COL4A6: variants seen among roughly 807,000 people sequenced by gnomAD.
COL4A6 encodes collagen alpha-6(IV) chain.
A neutral mutation model predicts 126.7 loss-of-function variants in COL4A6; 59 were observed. The observed-to-expected ratio is 0.47, with a 90% CI of 0.38 to 0.58. The LOEUF is 0.58. Among genes scored for constraint, COL4A6 ranks in the 20% least tolerant of loss-of-function variants. The probability of loss-of-function intolerance (pLI) is 0.00; values close to 1 mark genes in which losing one functional copy is unlikely to be tolerated. For synonymous variants in COL4A6, 547 were observed against 496.6 expected (o/e 1.10, Z -1.35); for missense variants, 1,285 against 1,337.3 (o/e 0.96, Z 0.61).
intron 2 of COL4A6, among the ~76,000 whole-genome samples, chrX:108,389,740 T>G (rs1159815152): frequency 2.7e-5 from 3 of 111,661 alleles, no homozygotes; most frequent in African/African-American, 9.8e-5. Flanking sequence ...TTAAGGTTAA[T>G]ATCATTATAC....
At position 108,214,111 on chromosome X, in the gene COL4A6, C is replaced by CG; in HGVS notation, c.441dup (p.Gly148ArgfsTer11). The CG allele has an allele frequency of 1.7e-6, 2 of 1,192,278 alleles. No individual in the cohort carries two copies. The highest frequency in any genetic ancestry group is 2.3e-6 in the Non-Finnish European group (2 of 879,134). ...TAAAATGCAAATATCTGGCAGCATACGGGTGGTCCGAGAAGCCCAGGATAG... is the reference window on the plus strand; with the variant it reads ...TAAAATGCAAATATCTGGCAGCATACGGGGTGGTCCGAGAAGCCCAGGATAG... On this transcript the variant is annotated frameshift_variant and splice_region_variant. Transcript: ENST00000334504. LOFTEE classifies it high-confidence loss of function.
chrX:108,320,275 TTGG>T (rs2038994251), intron 2 of COL4A6, among the ~76,000 whole-genome samples: 1 of 111,539 alleles, frequency 9.0e-6, no homozygotes, highest in Non-Finnish European at 1.9e-5. Context: ...CCACTTGAAT[TTGG>T]TGGTCATGGA....
At chrX:108,191,074 G>C (rs775645361) in intron 19 of COL4A6, among the ~76,000 whole-genome samples, 1 of 111,759 alleles carries the variant, frequency 8.9e-6, no homozygotes, top group South Asian at 3.8e-4. Flanking sequence ...AACCAATCCT[G>C]CTTCTTTAGG....
intron 2 of COL4A6, chrX:108,383,557 T>C: frequency 2.2e-6 from 1 of 463,662 alleles, no homozygotes; most frequent in Non-Finnish European, 3.9e-6. Context: ...CAAAGAGATG[T>C]AACTCTGCAA....
chrX:108,193,139 A>C (rs1383269088), intron 17 of COL4A6, among the ~76,000 whole-genome samples: 1 of 111,928 alleles, frequency 8.9e-6, no homozygotes, highest in African/African-American at 3.3e-5. Flanking sequence ...CAAAATAACT[A>C]GGACAAGGAG....
intron 3 of COL4A6, among the ~76,000 whole-genome samples, chrX:108,252,546 A>G (rs1014476454): frequency 9.0e-6 from 1 of 111,665 alleles, no homozygotes; most frequent in Non-Finnish European, 1.9e-5. Context: ...AGAAAAGCTC[A>G]GGACCTGATA....
intron 13 of COL4A6, among the ~76,000 whole-genome samples, chrX:108,197,050 TA>T (rs1193613438): frequency 1.8e-5 from 2 of 112,135 alleles, no homozygotes; most frequent in Non-Finnish European, 3.8e-5. Flanking sequence ...GGGTTGATAC[TA>T]GGGGGAAGAG....
intron 22 of COL4A6, among the ~76,000 whole-genome samples, 194 bp downstream of exon 22, chrX:108,187,654 T>C (rs2034909666): frequency 8.9e-6 from 1 of 112,013 alleles, no homozygotes; most frequent in African/African-American, 3.3e-5. Context: ...AATGAGACAA[T>C]GATCCATTCT....
intron 3 of COL4A6, among the ~76,000 whole-genome samples, chrX:108,237,880 A>G (rs747802512): frequency 0.013 from 1,370 of 105,115 alleles, 24 homozygotes; most frequent in African/African-American, 0.046. Context: ...CTATCTATCT[A>G]TCTATCTATC....
intron 13 of COL4A6, among the ~76,000 whole-genome samples, chrX:108,197,263 G>A (rs1182263092): frequency 1.8e-5 from 2 of 111,764 alleles, no homozygotes; most frequent in African/African-American, 6.5e-5. Context: ...GTGAGGGTTT[G>A]TAGCCATGAA....
intron 27 of COL4A6, among the ~76,000 whole-genome samples, chrX:108,178,220 T>A (rs974966252): frequency 4.5e-5 from 5 of 112,331 alleles, no homozygotes; most frequent in African/African-American, 1.6e-4. Context: ...CAGGCCCCAC[T>A]GCTGAGTAAA....
At chrX:108,426,061 T>C (rs767385929) in intron 2 of COL4A6, among the ~76,000 whole-genome samples, 1 of 111,606 alleles carries the variant, frequency 9.0e-6, no homozygotes, top group South Asian at 3.8e-4. Flanking sequence ...TGCAACTTAA[T>C]CATATCTAAA....
chrX:108,414,638 A>T (rs1036778516), intron 2 of COL4A6, among the ~76,000 whole-genome samples: 1 of 76,072 alleles, frequency 1.3e-5, no homozygotes, highest in Non-Finnish European at 2.8e-5. Flanking sequence ...AAAAAAAAAG[A>T]AGAAGAAGCT....
At chrX:108,161,548 C>T (rs2033935398) in intron 42 of COL4A6, 71 bp downstream of exon 42, 5 of 641,393 alleles carry the variant, frequency 7.8e-6, no homozygotes, top group East Asian at 3.4e-5. Flanking sequence ...AAGTTTTACT[C>T]ACCCCCAGCC....
chrX:108,253,118 C>A (rs1392810429), intron 3 of COL4A6, among the ~76,000 whole-genome samples: 1 of 111,522 alleles, frequency 9.0e-6, no homozygotes, highest in Non-Finnish European at 1.9e-5. Context: ...ATTAGCACTT[C>A]TTTTCAACAT....
intron 3 of COL4A6, among the ~76,000 whole-genome samples, chrX:108,262,393 C>T (rs920202820): frequency 1.8e-5 from 2 of 111,433 alleles, no homozygotes; most frequent in Non-Finnish European, 3.8e-5. Context: ...AGTCATGGCT[C>T]TTCCTTCCTG....
intron 2 of COL4A6, among the ~76,000 whole-genome samples, chrX:108,352,852 G>A (rs2039875695): frequency 1.8e-5 from 2 of 112,056 alleles, no homozygotes; most frequent in Non-Finnish European, 3.8e-5. Context: ...GCTGCTTCTG[G>A]ACAAGGTAGC....
At chrX:108,257,377 C>T (rs902789793) in intron 3 of COL4A6, among the ~76,000 whole-genome samples, 5 of 111,798 alleles carry the variant, frequency 4.5e-5, no homozygotes, top group African/African-American at 1.3e-4. Flanking sequence ...CATATTTGAT[C>T]CATGCACTTA....
chrX:108,253,037 T>C (rs2036893697), intron 3 of COL4A6, among the ~76,000 whole-genome samples: 1 of 111,515 alleles, frequency 9.0e-6, no homozygotes, highest in African/African-American at 3.3e-5. Flanking sequence ...ACAGCTAGCA[T>C]AATGCTGAAT....
Sources: gnomAD v4.1 joint callset for allele counts (sites outside exome capture counted in the v4.1 genomes callset) on GRCh38, gnomAD v4.1.1 for gene constraint, MANE v1.5 for transcripts, NCBI Gene and HGNC (gene_info 2026-07-23, HGNC 2026-07-21) for gene names.